Variants in PLD1 observed in about 807,000 individuals in gnomAD.
PLD1 encodes the protein choline phosphatase 1.
A neutral mutation model predicts 137.1 loss-of-function variants in PLD1; 112 were observed. That is an observed-to-expected ratio of 0.82 (90% CI 0.70 to 0.96). The LOEUF is 0.96. PLD1 is among the 40% of genes least tolerant of loss of function. The probability of loss-of-function intolerance (pLI) is 0.00; values close to 1 mark genes in which losing one functional copy is unlikely to be tolerated. For missense variants in PLD1, 1,321 were observed against 1,342.0 expected, an observed-to-expected ratio of 0.98 and a Z score of 0.24; for synonymous variants, 431 against 454.7, an observed-to-expected ratio of 0.95 and a Z score of 0.66.
chr3:171,701,716 C>A (rs1342607786), intron 11 of PLD1, among the ~76,000 whole-genome samples: 3 of 152,180 alleles, frequency 2.0e-5, no homozygotes, highest in African/African-American at 7.2e-5. Flanking sequence ...GCAGCTATAA[C>A]TTACCAAGCA....
At chr3:171,809,575 T>A (rs1174850811) in intron 1 of PLD1, 1 of 152,256 alleles carries the variant, frequency 6.6e-6, no homozygotes, top group African/African-American at 2.4e-5. Flanking sequence ...TGTTGTGGTC[T>A]GTTCTTAAAA....
chr3:171,738,116 C>A, intron 1 of PLD1, 34 bp from the exon 2 acceptor site: 1 of 1,289,944 alleles, frequency 7.8e-7, no homozygotes, highest in Non-Finnish European at 1.1e-6. Context: ...AAAGACTTAG[C>A]ATTTTGATAA....
At chr3:171,759,603 CT>C (rs1432925099) in intron 1 of PLD1, among the ~76,000 whole-genome samples, 2 of 152,130 alleles carry the variant, frequency 1.3e-5, no homozygotes, top group Non-Finnish European at 2.9e-5. Context: ...AAAAGGGAAC[CT>C]TCTAGTTTCC....
At chr3:171,654,071 TG>T in intron 21 of PLD1, 1 of 381,090 alleles carries the variant, frequency 2.6e-6, no homozygotes, top group South Asian at 1.9e-5. Context: ...GAGGCCGAGG[TG>T]GGCGGATCAC....
At chr3:171,658,257 G>T (rs1737378087) in intron 21 of PLD1, among the ~76,000 whole-genome samples, 1 of 152,146 alleles carries the variant, frequency 6.6e-6, no homozygotes, top group Non-Finnish European at 1.5e-5. Flanking sequence ...AGACAGTCTG[G>T]CAGTTCCTCA....
intron 1 of PLD1, among the ~76,000 whole-genome samples, chr3:171,772,555 G>A (rs1722415395): frequency 6.6e-6 from 1 of 152,162 alleles, no homozygotes; most frequent in Non-Finnish European, 1.5e-5. Context: ...ACCATAGAAT[G>A]AGGGGGCAAG....
intron 6 of PLD1, among the ~76,000 whole-genome samples, chr3:171,728,974 T>A (rs1718735377): frequency 6.6e-6 from 1 of 152,186 alleles, no homozygotes; most frequent in Non-Finnish European, 1.5e-5. Context: ...TACAGAGTTA[T>A]CAAATTGAAA....
At chr3:171,698,309 T>C (rs1288752904) in intron 12 of PLD1, among the ~76,000 whole-genome samples, 1 of 152,256 alleles carries the variant, frequency 6.6e-6, no homozygotes, top group Non-Finnish European at 1.5e-5. Flanking sequence ...ATGTGAATAA[T>C]GTTTTCAGAA....
intron 1 of PLD1, chr3:171,792,002 A>C (rs1349738153): frequency 6.6e-6 from 1 of 152,468 alleles, no homozygotes; most frequent in Non-Finnish European, 1.5e-5. Flanking sequence ...ACCATCCCTT[A>C]AACACTGGTG....
chr3:171,688,952 C>T, intron 13 of PLD1, 76 bp from the exon 14 acceptor site: 1 of 1,081,194 alleles, frequency 9.2e-7, no homozygotes, highest in African/African-American at 1.5e-5. Flanking sequence ...GGTCTGTGTT[C>T]TCCCTGAAAA....
At chr3:171,672,844 T>C (rs1712926539) in intron 19 of PLD1, among the ~76,000 whole-genome samples, 1 of 152,214 alleles carries the variant, frequency 6.6e-6, no homozygotes, top group Admixed American at 6.5e-5. Flanking sequence ...AGAAGCATTT[T>C]ATAGAGTCTC....
At chr3:171,716,161 C>T (rs1717670677) in intron 8 of PLD1, among the ~76,000 whole-genome samples, 1 of 152,084 alleles carries the variant, frequency 6.6e-6, no homozygotes, top group South Asian at 2.1e-4. Flanking sequence ...AGGTTGATTC[C>T]ATGTCTTTGC....
chr3:171,799,267 C>A (rs550178804), intron 1 of PLD1, among the ~76,000 whole-genome samples: 2 of 130,624 alleles, frequency 1.5e-5, no homozygotes, highest in Non-Finnish European at 3.1e-5. Flanking sequence ...TGAACCCAGG[C>A]GGTGGAGGTT....
chr3:171,735,117 A>C (rs1308312990), intron 4 of PLD1, 147 bp from the exon 5 acceptor site: 2 of 596,138 alleles, frequency 3.4e-6, no homozygotes, highest in East Asian at 5.5e-5. Flanking sequence ...CGATATTGTG[A>C]ATTAAATACA....
chr3:171,621,522 T>A (rs1440441524), intron 23 of PLD1, among the ~76,000 whole-genome samples: 1 of 152,210 alleles, frequency 6.6e-6, no homozygotes, highest in East Asian at 1.9e-4. Context: ...GTTTCTATTT[T>A]GCTACTGATG....
chr3:171,754,589 G>A (rs1221847106), intron 1 of PLD1, among the ~76,000 whole-genome samples: 1 of 152,138 alleles, frequency 6.6e-6, no homozygotes, highest in Non-Finnish European at 1.5e-5. Flanking sequence ...CTGGAAACCA[G>A]TCTTCTCACC....
chr3:171,646,529 A>T (rs535717261), intron 21 of PLD1, among the ~76,000 whole-genome samples: 1 of 152,322 alleles, frequency 6.6e-6, no homozygotes, highest in East Asian at 1.9e-4. Flanking sequence ...AGGTTGTTGT[A>T]ATGGCATGGA....
chr3:171,760,631 G>A (rs897049256), intron 1 of PLD1, among the ~76,000 whole-genome samples: 2 of 152,176 alleles, frequency 1.3e-5, no homozygotes, highest in African/African-American at 2.4e-5. Flanking sequence ...GCAATCCAAG[G>A]TGTCTGGCTC....
At position 171,602,856 on chromosome 3, in the gene PLD1, C is replaced by T. The variant is rs575751424; in HGVS notation, c.*222G>A. On this transcript the variant is annotated 3_prime_UTR_variant, in exon 27 of 27. Transcript: ENST00000351298. Reference sequence around the variant, plus strand: ...AGAGTACATGCTACCAACAAGAATGCAGCCCCCTTTTTACAAGTTAGGCAG... The same window carrying T: ...AGAGTACATGCTACCAACAAGAATGTAGCCCCCTTTTTACAAGTTAGGCAG... The T allele has an allele frequency of 3.6e-6, 2 of 561,624 alleles. No homozygotes were observed. The highest frequency in any genetic ancestry group is 1.9e-5 in the African/African-American group (1 of 53,348). 34.8% of individuals were successfully genotyped at this position (561,624 alleles called of 1,614,324 possible).
Sources: gnomAD v4.1 joint callset for allele counts (sites outside exome capture counted in the v4.1 genomes callset) on GRCh38, gnomAD v4.1.1 for gene constraint, MANE v1.5 for transcripts, NCBI Gene and HGNC (gene_info 2026-07-23, HGNC 2026-07-21) for gene names.